RNF144A: variants seen among roughly 807,000 people sequenced by gnomAD.
RNF144A encodes the protein E3 ubiquitin-protein ligase RNF144A.
In RNF144A, 11 loss-of-function variants were observed where a neutral mutation model predicts 38.7. That is an observed-to-expected ratio of 0.28 (90% CI 0.18 to 0.47). RNF144A has a LOEUF of 0.47. Ranked by LOEUF, RNF144A falls within the 20% of genes least tolerant of loss-of-function variation. The probability of loss-of-function intolerance (pLI) is 0.99; values close to 1 mark genes in which losing one functional copy is unlikely to be tolerated. For synonymous variants in RNF144A, 149 were observed against 143.9 expected, an observed-to-expected ratio of 1.04 and a Z score of -0.25; for missense variants, 316 against 377.2, an observed-to-expected ratio of 0.84 and a Z score of 1.34.
rs192914480 is a variant in RNF144A, at chr2:6,983,422, G to C, written c.-11-13494G>C. ...GACTTGCCCTACAGCCTTTTTATCT[G>C]GTAGTGAGGTTTACAGTCAGCATCA... On this transcript the variant is annotated intron_variant, in intron 2 of 8. Transcript: ENST00000320892. Among the ~76,000 whole-genome samples, 29 of 152,280 alleles carry C rather than the reference G, an allele frequency of 1.9e-4. No homozygotes were observed. In the East Asian group the frequency reaches 4.8e-3, roughly 25 times the overall value.
At position 7,020,693 on chromosome 2, in the gene RNF144A, C is replaced by T. The variant is rs1468257630; in HGVS notation, c.509+13C>T. ...CCGGGGAGACCAGGTACCCTTTGTA[C>T]ACAAGCTGCCACCAAAGGCATGGCT... On this transcript the variant is annotated intron_variant, in intron 6 of 8. Transcript: ENST00000320892. The T allele has an allele frequency of 6.3e-7, 1 of 1,595,248 alleles. No individual in the cohort carries two copies. The highest frequency in any genetic ancestry group is 1.3e-5 in the African/African-American group (1 of 74,834).
intron 7 of RNF144A, among the ~76,000 whole-genome samples, chr2:7,028,346 C>A (rs1572436126): frequency 6.6e-6 from 1 of 152,204 alleles, no homozygotes; most frequent in Non-Finnish European, 1.5e-5. Context: ...AGGGGCCTGG[C>A]CCCCAGCAGA....
At chr2:7,015,543 A>G (rs145894351) in intron 5 of RNF144A, among the ~76,000 whole-genome samples, 97 of 152,330 alleles carry the variant, frequency 6.4e-4, no homozygotes, top group South Asian at 1.2e-3. Context: ...CATGATTCTC[A>G]GGATAATATT....
At chr2:6,955,518 A>G (rs918819156) in intron 2 of RNF144A, among the ~76,000 whole-genome samples, 9 of 152,144 alleles carry the variant, frequency 5.9e-5, no homozygotes, top group African/African-American at 2.2e-4. Context: ...CCTGCCATCC[A>G]CAGCTCATTT....
intron 2 of RNF144A, among the ~76,000 whole-genome samples, chr2:6,988,725 T>C (rs186633962): frequency 2.0e-4 from 31 of 152,220 alleles, no homozygotes; most frequent in African/African-American, 7.0e-4. Context: ...TAAACTACAC[T>C]CTTTGGAAGG....
intron 2 of RNF144A, among the ~76,000 whole-genome samples, chr2:6,973,243 G>A (rs922405755): frequency 6.6e-6 from 1 of 152,206 alleles, no homozygotes; most frequent in Non-Finnish European, 1.5e-5. Flanking sequence ...CCCAGAAGAT[G>A]CACACTTTTC....
chr2:6,999,312 G>C (rs1348952286), intron 3 of RNF144A, among the ~76,000 whole-genome samples: 1 of 152,228 alleles, frequency 6.6e-6, no homozygotes, highest in Non-Finnish European at 1.5e-5. Context: ...GAAGGGAGGA[G>C]GTGTCGGGGT....
intron 2 of RNF144A, among the ~76,000 whole-genome samples, chr2:6,991,536 G>T (rs548909074): frequency 3.1e-4 from 47 of 152,264 alleles, no homozygotes; most frequent in African/African-American, 1.1e-3. Context: ...TACAGAGGAG[G>T]TGTAGCACAG....
rs369650215 is a variant in RNF144A at position 6,958,154 on chromosome 2, G to T, written c.-12+17007G>T. ...TCATGCGCAGCCACCATGGGGCACC[G>T]GGCGTGCTGTCTCTTCCTGGAAGGT... On this transcript the variant is annotated intron_variant, in intron 2 of 8. Coordinates refer to ENST00000320892, the MANE Select transcript of RNF144A (RefSeq NM_014746.6). The surrounding 1 kb of genome is among the most constrained non-coding windows in gnomAD (Gnocchi z 4.5). 6.6e-6 allele frequency among the ~76,000 whole-genome samples: 1 copy of T among 152,204 alleles called. No homozygotes were observed. The highest frequency in any genetic ancestry group is 1.5e-5 in the Non-Finnish European group (1 of 68,040).
intron 7 of RNF144A, among the ~76,000 whole-genome samples, chr2:7,028,625 GA>G (rs1315896229): frequency 6.6e-6 from 1 of 152,210 alleles, no homozygotes; most frequent in Non-Finnish European, 1.5e-5. Context: ...AGGCAGTCTG[GA>G]AAATGGAGAC....
At chr2:6,925,595 G>T (rs1432512557) in intron 1 of RNF144A, among the ~76,000 whole-genome samples, 1 of 152,132 alleles carries the variant, frequency 6.6e-6, no homozygotes, top group African/African-American at 2.4e-5. Flanking sequence ...TGGGCAAGCC[G>T]CAGGTAAAGG....
intron 1 of RNF144A, among the ~76,000 whole-genome samples, chr2:6,929,519 G>A (rs1452177447): frequency 6.6e-6 from 1 of 152,136 alleles, no homozygotes; most frequent in Admixed American, 6.5e-5. Context: ...TTTTAAATAA[G>A]GGACATTGGG....
chr2:6,939,402 T>C (rs2090641), intron 1 of RNF144A, among the ~76,000 whole-genome samples: 39,807 of 152,198 alleles, frequency 0.26, 5,498 homozygotes, highest in Middle Eastern at 0.34. Flanking sequence ...AATGTCTATT[T>C]AAATCCTTTG....
intron 6 of RNF144A, 21 bp from the exon 7 acceptor site, chr2:7,024,348 C>T (rs1671733064): frequency 1.3e-6 from 2 of 1,589,246 alleles, no homozygotes; most frequent in South Asian, 2.2e-5. Context: ...GTGCAGAGTC[C>T]TCACGGCGTT....
rs71436169 is a variant in RNF144A, at chr2:6,962,059, C to T, written c.-12+20912C>T. 0.08 allele frequency among the ~76,000 whole-genome samples: 12,105 copies of T among 152,232 alleles called. 521 individuals are homozygous for T. Among genetic ancestry groups the T allele is most frequent in the Middle Eastern group, 0.11 (32 of 294 alleles). ...AGGTGAAAGAAAGAGAATAGCTCTC[C>T]GCTACAGAGAGCGGTCCTGGAAAAA... On this transcript the variant is annotated intron_variant, in intron 2 of 8. Coordinates refer to ENST00000320892, the MANE Select transcript of RNF144A (RefSeq NM_014746.6). This position sits in a 1 kb window ranked among gnomAD's most constrained non-coding sequence, Gnocchi z 4.1.
intron 8 of RNF144A, among the ~76,000 whole-genome samples, chr2:7,031,482 C>T (rs1672297686): frequency 6.6e-6 from 1 of 152,184 alleles, no homozygotes; most frequent in African/African-American, 2.4e-5. Context: ...GCCTGGCAGT[C>T]CACAGAGCAA....
intron 2 of RNF144A, 70 bp from the exon 3 acceptor site, chr2:6,996,846 G>A: frequency 6.6e-7 from 1 of 1,516,268 alleles, no homozygotes; most frequent in East Asian, 2.3e-5. Flanking sequence ...ACAGCCAGGA[G>A]AACCTTGCCA....
chr2:7,038,314 C>T (rs1672814609), intron 8 of RNF144A, among the ~76,000 whole-genome samples: 3 of 152,218 alleles, frequency 2.0e-5, no homozygotes, highest in South Asian at 2.1e-4. Flanking sequence ...GGAAACCCTC[C>T]TTTCCCCTAG....
At chr2:7,018,518 A>G (rs1671295386) in intron 5 of RNF144A, among the ~76,000 whole-genome samples, 1 of 152,214 alleles carries the variant, frequency 6.6e-6, no homozygotes, top group African/African-American at 2.4e-5. Context: ...TCAGTGCCCC[A>G]GGCTGGCATG....
Sources: allele counts gnomAD v4.1 joint callset (sites outside exome capture counted in the v4.1 genomes callset), GRCh38; gene constraint gnomAD v4.1.1; non-coding constraint Gnocchi (gnomAD v3.1); transcripts MANE v1.5; gene names NCBI Gene and HGNC (gene_info 2026-07-23, HGNC 2026-07-21).